SUPT3H: variants seen among roughly 807,000 people sequenced by gnomAD.
The protein encoded by SUPT3H is SPT3 homolog, SAGA and STAGA complex component, also known as transcription initiation protein SPT3 homolog.
SUPT3H carries 44 observed loss-of-function variants against 44.3 expected under a neutral mutation model. The observed-to-expected ratio is 0.99, with a 90% CI of 0.78 to 1.28. The LOEUF is 1.28. Ranked by LOEUF, SUPT3H falls within the 50% of genes most tolerant of loss-of-function variation. The probability of loss-of-function intolerance (pLI) is 0.00; values close to 1 mark genes in which losing one functional copy is unlikely to be tolerated. For synonymous variants in SUPT3H, 124 were observed against 125.6 expected, an observed-to-expected ratio of 0.99 and a Z score of 0.09; for missense variants, 380 against 387.1, an observed-to-expected ratio of 0.98 and a Z score of 0.15.
At chr6:44,962,180 C>G (rs920689949) in intron 6 of SUPT3H, among the ~76,000 whole-genome samples, 2 of 152,154 alleles carry the variant, frequency 1.3e-5, no homozygotes, top group Non-Finnish European at 2.9e-5. Context: ...TATTGTCAAT[C>G]TGCTTTAAAG....
At chr6:44,904,823 T>G (rs1251667383) in intron 10 of SUPT3H, among the ~76,000 whole-genome samples, 1 of 152,060 alleles carries the variant, frequency 6.6e-6, no homozygotes, top group East Asian at 1.9e-4. Flanking sequence ...AAAACAGAGA[T>G]ATAGACCAAT....
chr6:44,990,327 T>C (rs928717146), intron 6 of SUPT3H, among the ~76,000 whole-genome samples: 1 of 152,128 alleles, frequency 6.6e-6, no homozygotes, highest in East Asian at 1.9e-4. Flanking sequence ...TTCTGTTCCA[T>C]TGGTCTCTGT....
chr6:45,322,759 C>T (rs1785701949), intron 2 of SUPT3H: 10 of 697,284 alleles, frequency 1.4e-5, no homozygotes, highest in Non-Finnish European at 2.3e-5. Flanking sequence ...AAAAATAAGC[C>T]TACAATAACT....
intron 6 of SUPT3H, among the ~76,000 whole-genome samples, chr6:44,987,470 G>C (rs1779975870): frequency 6.6e-6 from 1 of 152,138 alleles, no homozygotes; most frequent in Non-Finnish European, 1.5e-5. Context: ...GGGCCACTGA[G>C]AGCTGATATC....
At chr6:45,060,171 G>A (rs1791761129) in intron 3 of SUPT3H, among the ~76,000 whole-genome samples, 1 of 152,034 alleles carries the variant, frequency 6.6e-6, no homozygotes, top group African/African-American at 2.4e-5. Context: ...CAAAGCTGAA[G>A]GCATCATGCT....
intron 10 of SUPT3H, among the ~76,000 whole-genome samples, chr6:44,867,965 A>ATT (rs34985613): frequency 0.2 from 29,563 of 146,026 alleles, 3,732 homozygotes; most frequent in Non-Finnish European, 0.29. Flanking sequence ...CCATTTTGGT[A>ATT]TTTTTTTTTT....
chr6:45,221,667 TAA>T (rs35629412), intron 2 of SUPT3H, among the ~76,000 whole-genome samples: 57 of 152,170 alleles, frequency 3.7e-4, no homozygotes, highest in Non-Finnish European at 6.2e-4. Context: ...AATTGATATA[TAA>T]GTTTAATTTA....
chr6:45,299,180 T>C (rs187002593), intron 2 of SUPT3H, among the ~76,000 whole-genome samples: 1 of 141,968 alleles, frequency 7.0e-6, no homozygotes, highest in East Asian at 2.0e-4. Flanking sequence ...ACCCCATCTC[T>C]ACTGAAAGTA....
chr6:45,298,466 G>C (rs985922600), intron 2 of SUPT3H, among the ~76,000 whole-genome samples: 2 of 151,500 alleles, frequency 1.3e-5, no homozygotes. Context: ...AATCAGAAAA[G>C]AGCCTTCCAA....
chr6:45,166,583 CAAAAAAAAA>C (rs3054765), intron 2 of SUPT3H, among the ~76,000 whole-genome samples: 5 of 96,558 alleles, frequency 5.2e-5, no homozygotes, highest in Admixed American at 1.1e-4. Context: ...AGACTCCATC[CAAAAAAAAA>C]AAAAAAAAAA....
chr6:45,087,434 C>T (rs772937520), intron 3 of SUPT3H, among the ~76,000 whole-genome samples: 17 of 151,678 alleles, frequency 1.1e-4, no homozygotes, highest in African/African-American at 3.6e-4. Context: ...AGTATAAATG[C>T]TATCATTTAT....
At chr6:44,903,603 C>A (rs1475992449) in intron 10 of SUPT3H, among the ~76,000 whole-genome samples, 2 of 152,144 alleles carry the variant, frequency 1.3e-5, no homozygotes, top group Non-Finnish European at 2.9e-5. Flanking sequence ...ACCAGAGGTA[C>A]AAGTAGGAGC....
chr6:45,348,984 A>T (rs10498759), intron 2 of SUPT3H, among the ~76,000 whole-genome samples: 22,113 of 152,072 alleles, frequency 0.15, 2,119 homozygotes, highest in African/African-American at 0.27. Context: ...GGCACACCAC[A>T]TGTACTTAGT....
At chr6:45,324,726 T>A (rs1047093981) in intron 2 of SUPT3H, among the ~76,000 whole-genome samples, 1 of 151,946 alleles carries the variant, frequency 6.6e-6, no homozygotes, top group Non-Finnish European at 1.5e-5. Context: ...CTAAAACTAA[T>A]CAAATGAAGT....
intron 6 of SUPT3H, among the ~76,000 whole-genome samples, chr6:44,971,930 AC>A (rs1475924289): frequency 1.3e-5 from 2 of 150,826 alleles, no homozygotes; most frequent in Non-Finnish European, 3.0e-5. Flanking sequence ...CTGCCACCAC[AC>A]CCGGCTAATT....
chr6:45,020,984 T>C (rs917657230), intron 3 of SUPT3H, among the ~76,000 whole-genome samples: 2 of 151,952 alleles, frequency 1.3e-5, no homozygotes, highest in Non-Finnish European at 2.9e-5. Context: ...TCACTCAGTA[T>C]CACTAGTTGA....
intron 3 of SUPT3H, among the ~76,000 whole-genome samples, chr6:45,066,899 A>G (rs2153548005): frequency 7.1e-6 from 1 of 139,910 alleles, no homozygotes; most frequent in Non-Finnish European, 1.5e-5. Context: ...AAGGTAATTT[A>G]CAGATTCAAT....
At chr6:45,147,366 CT>C (rs1279105399) in intron 2 of SUPT3H, among the ~76,000 whole-genome samples, 2 of 152,068 alleles carry the variant, frequency 1.3e-5, no homozygotes, top group Non-Finnish European at 2.9e-5. Context: ...ACATTTTGAC[CT>C]ACCTTTTCTT....
chr6:45,065,206 G>C (rs1261250862), intron 3 of SUPT3H, among the ~76,000 whole-genome samples: 1 of 151,350 alleles, frequency 6.6e-6, no homozygotes, highest in South Asian at 2.1e-4. Flanking sequence ...GCTCCTGAAT[G>C]ACTACTGGGT....
Sources: gnomAD v4.1 joint callset for allele counts (sites outside exome capture counted in the v4.1 genomes callset) on GRCh38, gnomAD v4.1.1 for gene constraint, MANE v1.5 for transcripts, NCBI Gene and HGNC (gene_info 2026-07-23, HGNC 2026-07-21) for gene names.